Variants in LSR observed in about 807,000 individuals in gnomAD.
The protein encoded by LSR is lipolysis stimulated lipoprotein receptor.
In LSR, 44 loss-of-function variants were observed where a neutral mutation model predicts 61.8. The ratio of observed to expected loss-of-function variants is 0.71; its 90% confidence interval spans 0.56 to 0.91. The LOEUF is 0.91. LSR is among the 40% of genes least tolerant of loss of function. The probability of loss-of-function intolerance (pLI) is 0.00; values close to 1 mark genes in which losing one functional copy is unlikely to be tolerated. For synonymous variants in LSR, 397 were observed against 350.6 expected (o/e 1.13, Z -1.48); for missense variants, 911 against 830.5 (o/e 1.10, Z -1.19).
rs750644993 is a variant in LSR, at chr19:35,267,886, A to AT, written c.*38dup. 3.2e-3 allele frequency: 4,119 copies of AT among 1,284,506 alleles called. No individual in the cohort carries two copies. Among genetic ancestry groups the AT allele is most frequent in the African/African-American group, 4.1e-3 (270 of 66,148 alleles). 79.6% of individuals were successfully genotyped at this position (1,284,506 alleles called of 1,614,324 possible). ...CTGACGTTTTCTACGTAGCTTTTGT[A>AT]TTTTTTTTTTTAATTTGAAGGAACA... On this transcript the variant is annotated 3_prime_UTR_variant, in exon 10 of 10. Transcript: ENST00000605618.
At position 35,265,784 on chromosome 19, in the gene LSR, C is replaced by T. The variant is rs374253667; in HGVS notation, c.779-575C>T. On this transcript the variant is annotated intron_variant, in intron 5 of 9. Coordinates refer to ENST00000605618, the MANE Select transcript of LSR (RefSeq NM_205834.4). The stretch of plus-strand genomic sequence containing the variant: ...GGCAGGCAAGTTAATTCCCGAGGCT[C>T]CTGCCACTGCATCTCAATCTGGAAG... Among the ~76,000 whole-genome samples, 45 of 151,646 alleles carry T rather than the reference C, an allele frequency of 3.0e-4. No homozygotes were observed. In the East Asian group the frequency reaches 4.1e-3, roughly 14 times the overall value.
chr19:35,262,033 C>G, intron 4 of LSR, 52 bp downstream of exon 4: 1 of 1,444,178 alleles, frequency 6.9e-7, no homozygotes, highest in Non-Finnish European at 9.3e-7. Context: ...CATACATCAC[C>G]TACTGCTTCT....
chr19:35,258,273 C>T (rs1234588030), intron 2 of LSR, among the ~76,000 whole-genome samples: 1 of 152,096 alleles, frequency 6.6e-6, no homozygotes, highest in Non-Finnish European at 1.5e-5. Flanking sequence ...TGGCGAAACT[C>T]CATCTCTACT....
At chr19:35,265,399 C>T (rs944539436) in intron 5 of LSR, among the ~76,000 whole-genome samples, 1 of 152,248 alleles carries the variant, frequency 6.6e-6, no homozygotes, top group Non-Finnish European at 1.5e-5. Flanking sequence ...GCTGCTGCCA[C>T]AGCCTCCGCC....
chr19:35,261,813 T>C, intron 3 of LSR, 112 bp from the exon 4 acceptor site: 1 of 639,170 alleles, frequency 1.6e-6, no homozygotes. Flanking sequence ...CCCAGCCCCT[T>C]CCCGCTTCAG....
chr19:35,249,601 TCCCCCGCA>T (rs990073041), intron 1 of LSR, among the ~76,000 whole-genome samples: 3 of 151,826 alleles, frequency 2.0e-5, no homozygotes, highest in Non-Finnish European at 4.4e-5. Flanking sequence ...GGACTCCCCA[TCCCCCGCA>T]CCCCACCCAC....
At chr19:35,250,280 A>G (rs1335474729) in intron 1 of LSR, 35 bp from the exon 2 acceptor site, 1 of 1,446,312 alleles carries the variant, frequency 6.9e-7, no homozygotes, top group African/African-American at 1.4e-5. Context: ...CCCTGAGCTC[A>G]CAGCAACCCT....
chr19:35,266,398 G>C lies in LSR; in HGVS notation c.818G>C (p.Ser273Thr), dbSNP rs143390795. Residue 273 changes from serine to threonine, a missense_variant, in exon 6 of 10, where the codon AGC (serine) becomes ACC (threonine). Coordinates refer to ENST00000605618, the MANE Select transcript of LSR (RefSeq NM_205834.4). Reference sequence around the variant, plus strand: ...AAAGCAGCCACCTCAGGTGTTCCCAGCATTTATGCCCCCAGCACCTATGCC... The same window carrying C: ...AAAGCAGCCACCTCAGGTGTTCCCACCATTTATGCCCCCAGCACCTATGCC... Reference protein sequence around the residue: ...AGKAATSGVPSIYAPSTYAHL... With the variant: ...AGKAATSGVPTIYAPSTYAHL... 1.2e-6 allele frequency: 2 copies of C among 1,602,608 alleles called. No homozygotes were observed. The highest frequency in any genetic ancestry group is 2.7e-5 in the African/African-American group (2 of 74,506).
At chr19:35,260,404 GCCTCAGCCTC>G (rs1418754571) in intron 3 of LSR, among the ~76,000 whole-genome samples, 2 of 145,428 alleles carry the variant, frequency 1.4e-5, no homozygotes, top group African/African-American at 5.1e-5. Context: ...CCATTCTCCT[GCCTCAGCCTC>G]CCAGGTAGCT....
At chr19:35,252,885 G>C (rs1006600608) in intron 2 of LSR, among the ~76,000 whole-genome samples, 1 of 152,054 alleles carries the variant, frequency 6.6e-6, no homozygotes, top group South Asian at 2.1e-4. Flanking sequence ...GCTGGGCATG[G>C]TGGCATGTGC....
intron 2 of LSR, among the ~76,000 whole-genome samples, chr19:35,254,492 C>T (rs1194222805): frequency 1.3e-5 from 2 of 152,210 alleles, no homozygotes; most frequent in Admixed American, 1.3e-4. Flanking sequence ...CTGCTTTGTC[C>T]TTCCATGCTT....
rs2065778893 is a variant in LSR, at chr19:35,250,504, A to AGCTC, written c.300_303dup (p.Asn102AlafsTer17). The stretch of plus-strand genomic sequence containing the variant: ...TTCTCCCCGGCCAGCGTCGACAACC[A>AGCTC]GCTCAATGCCCAGCTGGCAGCCGGG... On this transcript the variant is annotated frameshift_variant, in exon 2 of 10. Coordinates refer to ENST00000605618, the MANE Select transcript of LSR (RefSeq NM_205834.4). LOFTEE classifies it high-confidence loss of function. 6.2e-7 allele frequency: 1 copy of AGCTC among 1,614,000 alleles called. No individual in the cohort carries two copies. Among genetic ancestry groups the AGCTC allele is most frequent in the South Asian group, 1.1e-5 (1 of 91,088 alleles).
At chr19:35,251,802 G>A (rs1199060447) in intron 2 of LSR, 1 of 151,676 alleles carries the variant, frequency 6.6e-6, no homozygotes, top group Non-Finnish European at 1.5e-5. Flanking sequence ...GTCAAAGTCT[G>A]GAGCTGGGGT....
At chr19:35,258,794 T>G in intron 2 of LSR, 151 bp from the exon 3 acceptor site, 1 of 941,010 alleles carries the variant, frequency 1.1e-6, no homozygotes, top group Non-Finnish European at 1.7e-6. Context: ...GTGCCCTTGG[T>G]AGGAATCTTT....
rs776233390 is a variant in LSR at position 35,249,015 on chromosome 19, C to G, written c.-8C>G. ...GACGCGCGGGCCAGACGCGCCCAGACGGCCGCGATGGCGCTGTTGGCCGGC... is the reference window on the plus strand; with the variant it reads ...GACGCGCGGGCCAGACGCGCCCAGAGGGCCGCGATGGCGCTGTTGGCCGGC... On this transcript the variant is annotated 5_prime_UTR_variant, in exon 1 of 10. Coordinates refer to ENST00000605618, the MANE Select transcript of LSR (RefSeq NM_205834.4). 3 of 1,607,926 alleles carry G rather than the reference C, an allele frequency of 1.9e-6. No individual in the cohort carries two copies. Among genetic ancestry groups the G allele is most frequent in the South Asian group, 1.1e-5 (1 of 90,678 alleles).
intron 2 of LSR, chr19:35,253,355 T>G (rs1289316961): frequency 6.6e-6 from 1 of 151,624 alleles, no homozygotes; most frequent in African/African-American, 2.4e-5. Flanking sequence ...CTGGGTGATG[T>G]GCTACATGGA....
At chr19:35,264,908 G>A (rs1452104213) in intron 5 of LSR, 1 of 151,944 alleles carries the variant, frequency 6.6e-6, no homozygotes, top group Non-Finnish European at 1.5e-5. Flanking sequence ...GTGACTGAGG[G>A]ACAGGGCACC....
chr19:35,251,673 T>C (rs1231606538), intron 2 of LSR: 1 of 152,112 alleles, frequency 6.6e-6, no homozygotes, highest in Non-Finnish European at 1.5e-5. Context: ...GAGAGCTTAA[T>C]GGAGAAAGCC....
At chr19:35,258,432 CAA>C (rs937869481) in intron 2 of LSR, among the ~76,000 whole-genome samples, 3 of 147,986 alleles carry the variant, frequency 2.0e-5, no homozygotes, top group African/African-American at 7.5e-5. Flanking sequence ...GCCTGGGCAA[CAA>C]GAGTGAAACT....
Sources: allele counts gnomAD v4.1 joint callset (sites outside exome capture counted in the v4.1 genomes callset), GRCh38; gene constraint gnomAD v4.1.1; transcripts MANE v1.5; gene names NCBI Gene and HGNC (gene_info 2026-07-23, HGNC 2026-07-21).